The following CADPS2 variants were observed in gnomAD, a reference collection of about 807,000 sequenced individuals.
The protein encoded by CADPS2 is calcium-dependent secretion activator 2.
Under a neutral mutation model 172.5 loss-of-function variants are expected in CADPS2, and 93 were observed. The observed-to-expected ratio is 0.54, with a 90% confidence interval of 0.46 to 0.64. The LOEUF is 0.64. CADPS2 is among the 30% of genes least tolerant of loss of function. The pLI is 0.00. For synonymous variants in CADPS2, 546 were observed against 555.2 expected (o/e 0.98, Z 0.23); for missense variants, 1,420 against 1,565.9 (o/e 0.91, Z 1.57).
At chr7:122,574,063 T>G (rs551078903) in intron 7 of CADPS2, among the ~76,000 whole-genome samples, 1 of 152,264 alleles carries the variant, frequency 6.6e-6, no homozygotes, top group African/African-American at 2.4e-5. Flanking sequence ...GTGGTGGCAC[T>G]GACACGGTAT....
chr7:122,444,086 G>C (rs965515321), intron 15 of CADPS2, among the ~76,000 whole-genome samples: 2 of 151,922 alleles, frequency 1.3e-5, no homozygotes, highest in Admixed American at 1.3e-4. Flanking sequence ...TACTTTTGTG[G>C]GTCTGATTTC....
At chr7:122,402,795 C>T (rs955872700) in intron 20 of CADPS2, among the ~76,000 whole-genome samples, 1 of 152,132 alleles carries the variant, frequency 6.6e-6, no homozygotes, top group Non-Finnish European at 1.5e-5. Context: ...AGACTGATGC[C>T]GATGTAAGCA....
intron 1 of CADPS2, among the ~76,000 whole-genome samples, chr7:122,777,459 A>G (rs930689324): frequency 6.6e-6 from 1 of 152,302 alleles, no homozygotes; most frequent in East Asian, 1.9e-4. Context: ...ATCACAAGTA[A>G]TTGCAAAGGA....
At position 122,554,537 on chromosome 7, in the gene CADPS2, A is replaced by T. The variant is rs779432734; in HGVS notation, c.1475+13T>A. On this transcript the variant is annotated intron_variant, in intron 8 of 29. Transcript: ENST00000449022. ...CAATAATTCAGGAAAAAAATCCTCAAATTTATACTCACCCACTATGCTTCA... is the reference window on the plus strand; with the variant it reads ...CAATAATTCAGGAAAAAAATCCTCATATTTATACTCACCCACTATGCTTCA... 1 of 1,564,276 alleles carries T rather than the reference A, an allele frequency of 6.4e-7. No individual in the cohort carries two copies. The highest frequency in any genetic ancestry group is 8.6e-7 in the Non-Finnish European group (1 of 1,158,992).
At chr7:122,503,972 A>T (rs753595428) in intron 9 of CADPS2, among the ~76,000 whole-genome samples, 1 of 152,220 alleles carries the variant, frequency 6.6e-6, no homozygotes, top group Non-Finnish European at 1.5e-5. Context: ...GTGGTCAGAA[A>T]GGCCTCTCTG....
chr7:122,736,674 C>G (rs1045836004), intron 2 of CADPS2, among the ~76,000 whole-genome samples: 4 of 152,144 alleles, frequency 2.6e-5, no homozygotes, highest in African/African-American at 9.7e-5. Flanking sequence ...CTAAAGATAG[C>G]TATAGTCAGC....
chr7:122,825,802 A>G (rs1032571633), intron 1 of CADPS2, among the ~76,000 whole-genome samples: 3 of 152,190 alleles, frequency 2.0e-5, no homozygotes, highest in African/African-American at 7.2e-5. Context: ...CTACAGTATA[A>G]TATTACAACC....
chr7:122,790,841 G>A (rs946255743), intron 1 of CADPS2, among the ~76,000 whole-genome samples: 2 of 152,108 alleles, frequency 1.3e-5, no homozygotes, highest in Admixed American at 1.3e-4. Context: ...CTGCTGTACA[G>A]CCAAGCTCTC....
intron 8 of CADPS2, among the ~76,000 whole-genome samples, chr7:122,552,935 G>C (rs1187699398): frequency 6.6e-6 from 1 of 151,960 alleles, no homozygotes; most frequent in East Asian, 1.9e-4. Flanking sequence ...ACTCTCTCTA[G>C]TCTCAAAGCA....
intron 7 of CADPS2, among the ~76,000 whole-genome samples, chr7:122,562,123 A>G (rs899653297): frequency 2.0e-5 from 3 of 152,278 alleles, no homozygotes; most frequent in South Asian, 2.1e-4. Flanking sequence ...ATCCTTCCAT[A>G]TCTGGAATGT....
At chr7:122,529,327 T>A (rs2061557449) in intron 8 of CADPS2, among the ~76,000 whole-genome samples, 1 of 151,900 alleles carries the variant, frequency 6.6e-6, no homozygotes, top group African/African-American at 2.4e-5. Context: ...GGCATACAAA[T>A]GAAAGAGGCA....
rs755317210 is a variant in CADPS2, at chr7:122,374,518, A to G, written c.3387+4850T>C. On this transcript the variant is annotated intron_variant, in intron 25 of 29. Coordinates refer to ENST00000449022, the MANE Select transcript of CADPS2 (RefSeq NM_017954.11). ...AAAATTATCTCTGTTTGCAGATTAC[A>G]TGATCTTAATATGTAGAAAACCCTA... 8.5e-4 allele frequency among the ~76,000 whole-genome samples: 130 copies of G among 152,202 alleles called. 2 individuals carry two copies. The highest frequency in any genetic ancestry group is 3.4e-4 in the Non-Finnish European group (23 of 68,030).
At chr7:122,791,362 CT>C (rs955460218) in intron 1 of CADPS2, among the ~76,000 whole-genome samples, 112 of 149,498 alleles carry the variant, frequency 7.5e-4, no homozygotes, top group Admixed American at 1.5e-3. Context: ...CCTTGCTACT[CT>C]TTTTTTTTTC....
intron 1 of CADPS2, among the ~76,000 whole-genome samples, chr7:122,780,475 A>C (rs573334867): frequency 1.4e-4 from 21 of 152,250 alleles, no homozygotes; most frequent in Admixed American, 1.2e-3. Context: ...TAGACTATAC[A>C]TCTAATATTA....
intron 1 of CADPS2, among the ~76,000 whole-genome samples, chr7:122,838,544 C>G (rs1038116898): frequency 2.0e-5 from 3 of 152,146 alleles, no homozygotes; most frequent in Middle Eastern, 3.4e-3. Context: ...GTCTCAGCCC[C>G]AAATCTCCTT....
intron 20 of CADPS2, among the ~76,000 whole-genome samples, chr7:122,395,317 T>C (rs80268295): frequency 6.6e-6 from 1 of 152,206 alleles, no homozygotes; most frequent in African/African-American, 2.4e-5. Context: ...CTACCTCTAA[T>C]TGATATGGGT....
At chr7:122,517,985 G>T (rs942941064) in intron 8 of CADPS2, among the ~76,000 whole-genome samples, 1 of 151,770 alleles carries the variant, frequency 6.6e-6, no homozygotes, top group Admixed American at 6.6e-5. Flanking sequence ...GTTTCTTAAT[G>T]TTCAGTGTTG....
At chr7:122,811,062 T>C (rs558320456) in intron 1 of CADPS2, among the ~76,000 whole-genome samples, 7 of 152,274 alleles carry the variant, frequency 4.6e-5, no homozygotes, top group African/African-American at 1.7e-4. Flanking sequence ...GATAAACACA[T>C]GGAATGAGGG....
At chr7:122,470,792 G>T (rs539176749) in intron 14 of CADPS2, among the ~76,000 whole-genome samples, 3 of 152,076 alleles carry the variant, frequency 2.0e-5, no homozygotes, top group African/African-American at 7.2e-5. Flanking sequence ...CACCACACGC[G>T]GCATGATATG....
Sources: gnomAD v4.1 joint callset for allele counts (sites outside exome capture counted in the v4.1 genomes callset) on GRCh38, gnomAD v4.1.1 for gene constraint, MANE v1.5 for transcripts, NCBI Gene and HGNC (gene_info 2026-07-23, HGNC 2026-07-21) for gene names.